The following RBFOX1 variants were observed in gnomAD, a reference collection of about 807,000 sequenced individuals.
The protein encoded by RBFOX1 is RNA binding fox-1 homolog 1.
In RBFOX1, 8 loss-of-function variants were observed where a neutral mutation model predicts 57.7. The ratio of observed to expected loss-of-function variants is 0.14; its 90% CI spans 0.08 to 0.25. RBFOX1 has a LOEUF of 0.25. Among genes scored for constraint, RBFOX1 ranks in the 10% least tolerant of loss-of-function variants. The pLI, the probability that RBFOX1 is intolerant of heterozygous loss-of-function variation, is 1.00. For missense variants in RBFOX1, 611 were observed against 548.5 expected (o/e 1.11, Z -1.14); for synonymous variants, 326 against 222.4 (o/e 1.47, Z -4.15).
intron 1 of RBFOX1, among the ~76,000 whole-genome samples, chr16:5,339,382 A>G (rs1426443758): frequency 1.3e-5 from 2 of 151,386 alleles, no homozygotes; most frequent in Admixed American, 6.6e-5. Context: ...GGCCTTAACA[A>G]AGGCAATGGT....
chr16:6,714,934 G>T (rs1431011113), intron 3 of RBFOX1, among the ~76,000 whole-genome samples: 1 of 152,200 alleles, frequency 6.6e-6, no homozygotes, highest in African/African-American at 2.4e-5. Flanking sequence ...TGGAGCTGAA[G>T]ACTTAAGTTG....
intron 3 of RBFOX1, among the ~76,000 whole-genome samples, chr16:6,975,067 A>T (rs1246148090): frequency 6.6e-6 from 1 of 152,178 alleles, no homozygotes; most frequent in Non-Finnish European, 1.5e-5. Flanking sequence ...AATATATGGC[A>T]GAATAAAGAG....
At chr16:7,657,295 C>A (rs1245100210) in intron 12 of RBFOX1, among the ~76,000 whole-genome samples, 2 of 152,120 alleles carry the variant, frequency 1.3e-5, no homozygotes, top group Non-Finnish European at 2.9e-5. Context: ...CTACATTCAT[C>A]CATTTCCTTT....
chr16:5,660,016 T>C (rs2049592814), intron 3 of RBFOX1, among the ~76,000 whole-genome samples: 1 of 152,208 alleles, frequency 6.6e-6, no homozygotes, highest in African/African-American at 2.4e-5. Flanking sequence ...TATTCTATTT[T>C]TATGAATTTA....
At chr16:5,742,210 C>G (rs1360890211) in intron 3 of RBFOX1, among the ~76,000 whole-genome samples, 1 of 140,356 alleles carries the variant, frequency 7.1e-6, no homozygotes, top group Non-Finnish European at 1.6e-5. Context: ...AGTCCTTCCT[C>G]CTTTCCTTCC....
chr16:6,410,076 C>G (rs1444820124), intron 2 of RBFOX1, among the ~76,000 whole-genome samples: 1 of 151,884 alleles, frequency 6.6e-6, no homozygotes, highest in Non-Finnish European at 1.5e-5. Context: ...GTTAAAGAAC[C>G]ATCTCACATT....
chr16:6,810,027 CT>C lies in RBFOX1; in HGVS notation c.-16+155391del, dbSNP rs71145299. ...CTGAAAAAATTCTCTTCTCTCTCACCTTTTTTTTTTTTTTCTGTTAATAAGT... is the reference window on the plus strand; with the variant it reads ...CTGAAAAAATTCTCTTCTCTCTCACCTTTTTTTTTTTTTCTGTTAATAAGT... On this transcript the variant is annotated intron_variant, in intron 3 of 15. Transcript: ENST00000550418. Among the ~76,000 whole-genome samples, 1,034 of 142,586 alleles carry C rather than the reference CT, an allele frequency of 7.3e-3. 19 individuals are homozygous for C. The highest frequency in any genetic ancestry group is 0.023 in the African/African-American group (901 of 39,052). The allele number at this position is 142,586 out of a possible 152,430, so 93.5% of individuals were successfully genotyped here.
intron 2 of RBFOX1, among the ~76,000 whole-genome samples, chr16:5,596,823 C>G (rs978096486): frequency 3.3e-5 from 5 of 152,222 alleles, no homozygotes; most frequent in Middle Eastern, 6.3e-3. Context: ...TCCCCCTTCT[C>G]TCCCCATTCA....
intron 1 of RBFOX1, among the ~76,000 whole-genome samples, chr16:5,295,420 G>A (rs2151184742): frequency 6.6e-6 from 1 of 152,338 alleles, no homozygotes; most frequent in South Asian, 2.1e-4. Context: ...GGTTTCTGTG[G>A]GTCAGGAATC....
chr16:7,493,124 C>T (rs2067468478), intron 4 of RBFOX1, among the ~76,000 whole-genome samples: 1 of 152,144 alleles, frequency 6.6e-6, no homozygotes, highest in Non-Finnish European at 1.5e-5. Flanking sequence ...GGGGATTCGC[C>T]CGCCTCTGCC....
At chr16:6,166,023 A>G (rs1486302296) in intron 1 of RBFOX1, among the ~76,000 whole-genome samples, 1 of 152,206 alleles carries the variant, frequency 6.6e-6, no homozygotes, top group Non-Finnish European at 1.5e-5. Context: ...ACATGTACAC[A>G]TACAGTGGAG....
At chr16:6,726,152 C>A (rs1003954063) in intron 3 of RBFOX1, among the ~76,000 whole-genome samples, 4 of 152,072 alleles carry the variant, frequency 2.6e-5, no homozygotes. Context: ...TCCTTTTTTA[C>A]TGTTATTAAA....
chr16:6,281,905 C>T (rs980349490), intron 1 of RBFOX1, among the ~76,000 whole-genome samples: 13 of 152,032 alleles, frequency 8.6e-5, no homozygotes, highest in Admixed American at 6.6e-4. Context: ...TACCCCACTG[C>T]CCGCCTGAGT....
At chr16:7,474,694 T>C (rs2062271272) in intron 4 of RBFOX1, among the ~76,000 whole-genome samples, 2 of 152,238 alleles carry the variant, frequency 1.3e-5, no homozygotes, top group Non-Finnish European at 1.5e-5. Flanking sequence ...GTTACGAATA[T>C]GCTTTCCCTT....
At chr16:6,160,722 C>T (rs1319478918) in intron 1 of RBFOX1, among the ~76,000 whole-genome samples, 2 of 152,200 alleles carry the variant, frequency 1.3e-5, no homozygotes, top group Non-Finnish European at 2.9e-5. Flanking sequence ...GCACCACTCC[C>T]ATCTTGCCTC....
chr16:7,598,470 A>G (rs1420599838), intron 9 of RBFOX1, among the ~76,000 whole-genome samples: 1 of 152,156 alleles, frequency 6.6e-6, no homozygotes, highest in African/African-American at 2.4e-5. Context: ...TAAAATTTTA[A>G]TTGCACATGG....
chr16:6,914,161 T>C (rs1223715119), intron 3 of RBFOX1, among the ~76,000 whole-genome samples: 1 of 152,186 alleles, frequency 6.6e-6, no homozygotes, highest in East Asian at 1.9e-4. Flanking sequence ...ATGAGTGCAT[T>C]TCTGATTTCA....
intron 1 of RBFOX1, among the ~76,000 whole-genome samples, chr16:5,272,160 G>C (rs1412160066): frequency 6.6e-6 from 1 of 152,142 alleles, no homozygotes; most frequent in Non-Finnish European, 1.5e-5. Context: ...CTGTAGCACA[G>C]CAGCGTGACT....
At chr16:6,227,290 G>T (rs903848676) in intron 1 of RBFOX1, among the ~76,000 whole-genome samples, 2 of 152,252 alleles carry the variant, frequency 1.3e-5, no homozygotes, top group Middle Eastern at 3.4e-3. Flanking sequence ...TTCTAAAACG[G>T]AGTCTAAGAA....
Sources: allele counts gnomAD v4.1 joint callset (sites outside exome capture counted in the v4.1 genomes callset), GRCh38; gene constraint gnomAD v4.1.1; transcripts MANE v1.5; gene names NCBI Gene and HGNC (gene_info 2026-07-23, HGNC 2026-07-21).